The following TRIM37 variants were observed in gnomAD, a reference collection of about 807,000 sequenced individuals.
The protein encoded by TRIM37 is tripartite motif containing 37.
A neutral mutation model predicts 129.8 loss-of-function variants in TRIM37; 80 were observed. That is an observed-to-expected ratio of 0.62 (90% CI 0.51 to 0.74). TRIM37 has a LOEUF of 0.74. Ranked by LOEUF, TRIM37 falls within the 30% of genes least tolerant of loss-of-function variation. TRIM37 has a pLI of 0.00. For missense variants in TRIM37, 1,054 were observed against 1,176.5 expected, an observed-to-expected ratio of 0.90 and a Z score of 1.52; for synonymous variants, 389 against 387.1, an observed-to-expected ratio of 1.00 and a Z score of -0.06.
chr17:58,991,910 C>T (rs1467576029), intron 24 of TRIM37, among the ~76,000 whole-genome samples: 1 of 152,048 alleles, frequency 6.6e-6, no homozygotes, highest in Non-Finnish European at 1.5e-5. Flanking sequence ...CTGACACCAA[C>T]CACCCGGAGT....
rs377316559 is a variant in TRIM37, at chr17:59,028,477, A to T, written c.2195T>A (p.Leu732Ter). The change falls in exon 19 of 24, where the codon TTG (leucine) becomes TAG (stop). Residue 732 changes from leucine (L) to a stop codon, truncating the protein, a stop_gained. Coordinates refer to ENST00000262294, the MANE Select transcript of TRIM37 (RefSeq NM_015294.6). LOFTEE classifies it high-confidence loss of function. ...CAGGAGTTCCATTCCCAAATCCTGC[A>T]ATCTGCCAGAGTTTTCAGTTCCACA... The part of the protein sequence containing the change: ...AACGTENSGR[L>*]QDLGMELLAK... 6.2e-7 allele frequency: 1 copy of T among 1,614,134 alleles called. No homozygotes were observed. The highest frequency in any genetic ancestry group is 1.1e-5 in the South Asian group (1 of 91,056).
In TRIM37 at chr17:59,056,860, A is replaced by C. The variant is rs752738777; in HGVS notation, c.1199+15T>G. 1 of 1,612,782 alleles carries C rather than the reference A, an allele frequency of 6.2e-7. No individual in the cohort carries two copies. Among genetic ancestry groups the C allele is most frequent in the Non-Finnish European group, 8.5e-7 (1 of 1,179,056 alleles). On this transcript the variant is annotated intron_variant, in intron 13 of 23. Transcript: ENST00000262294. ...CCCCACAATAAAAACCACAACATCAAATTTTTCCTGTTACCTTAAAATCAC... is the reference window on the plus strand; with the variant it reads ...CCCCACAATAAAAACCACAACATCACATTTTTCCTGTTACCTTAAAATCAC...
At chr17:58,996,966 T>A (rs2033078690), downstream of TRIM37, among the ~76,000 whole-genome samples, 1 of 151,906 alleles carries the variant, frequency 6.6e-6, no homozygotes, top group Non-Finnish European at 1.5e-5. Context: ...TTTAATAAAA[T>A]AACACATCCT....
At chr17:59,012,472 T>A (rs766051877) in intron 21 of TRIM37, 26 bp from the exon 22 acceptor site, 2 of 1,437,502 alleles carry the variant, frequency 1.4e-6, no homozygotes, top group African/African-American at 1.4e-5. Context: ...AACTTGATAT[T>A]TCTCTATAAC....
chr17:59,057,522 AT>A (rs1214318794), intron 12 of TRIM37, among the ~76,000 whole-genome samples: 1 of 151,702 alleles, frequency 6.6e-6, no homozygotes, highest in African/African-American at 2.4e-5. Context: ...AAAGAGCAGT[AT>A]TTTTTTGTTT....
At chr17:59,101,080 A>C (rs1174425786) in intron 2 of TRIM37, among the ~76,000 whole-genome samples, 1 of 152,044 alleles carries the variant, frequency 6.6e-6, no homozygotes, top group Non-Finnish European at 1.5e-5. Flanking sequence ...AAATATGTGT[A>C]GTTTACTGCA....
intron 17 of TRIM37, among the ~76,000 whole-genome samples, chr17:59,035,974 GTC>G (rs144936691): frequency 1.4e-3 from 208 of 152,246 alleles, no homozygotes; most frequent in Non-Finnish European, 2.4e-3. Context: ...TTATAGTCTA[GTC>G]TCAAACTACC....
At chr17:59,003,341 T>C (rs1260552126) in intron 22 of TRIM37, among the ~76,000 whole-genome samples, 6 of 152,112 alleles carry the variant, frequency 3.9e-5, no homozygotes, top group Non-Finnish European at 8.8e-5. Flanking sequence ...CGGTTTGGGA[T>C]TTAAGGTTGA....
At chr17:59,017,232 A>C (rs2036057377) in intron 20 of TRIM37, 64 bp downstream of exon 20, 3 of 1,585,280 alleles carry the variant, frequency 1.9e-6, no homozygotes, top group African/African-American at 2.7e-5. Flanking sequence ...CTCCACGATA[A>C]CATCAATTTC....
At chr17:59,040,069 AT>A (rs1958880155) in intron 17 of TRIM37, among the ~76,000 whole-genome samples, 1 of 151,730 alleles carries the variant, frequency 6.6e-6, no homozygotes, top group Non-Finnish European at 1.5e-5. Context: ...CATCTGGCTA[AT>A]TTTTTTGTAT....
At chr17:59,049,940 T>C (rs1407454386) in intron 14 of TRIM37, among the ~76,000 whole-genome samples, 3 of 152,212 alleles carry the variant, frequency 2.0e-5, no homozygotes, top group Admixed American at 1.3e-4. Flanking sequence ...GCAAACAGTA[T>C]AGTGAATACA....
intron 7 of TRIM37, among the ~76,000 whole-genome samples, chr17:59,076,507 T>C (rs1410300460): frequency 6.6e-6 from 1 of 152,222 alleles, no homozygotes; most frequent in Non-Finnish European, 1.5e-5. Flanking sequence ...GAGCCTTGAT[T>C]GCACCACTGC....
At chr17:59,066,988 C>A (rs564146890) in intron 9 of TRIM37, among the ~76,000 whole-genome samples, 33 of 152,076 alleles carry the variant, frequency 2.2e-4, no homozygotes, top group Non-Finnish European at 3.8e-4. Flanking sequence ...TCAAAAATTT[C>A]TTTTGCGAAA....
At position 59,091,474 on chromosome 17, in the gene TRIM37, AATATATAAT is replaced by A. The variant is rs1599508890; in HGVS notation, c.124-143_124-135del. On this transcript the variant is annotated intron_variant, in intron 2 of 23. Coordinates refer to ENST00000262294, the MANE Select transcript of TRIM37 (RefSeq NM_015294.6). The stretch of plus-strand genomic sequence containing the variant: ...TAATATATAAATATATAATATTCAT[AATATATAAT>A]ATATAATATATTATTATATAACATA... The A allele has an allele frequency of 8.4e-5, 13 of 153,988 alleles. No individual in the cohort carries two copies. The East Asian group carries it at 2.3e-3, about 27-fold the overall frequency. The allele number at this position is 153,988 out of a possible 1,614,324, so 9.5% of individuals were successfully genotyped here.
chr17:58,985,744 TCCTG>T (rs2031745091), intron 24 of TRIM37, among the ~76,000 whole-genome samples: 1 of 152,222 alleles, frequency 6.6e-6, no homozygotes, highest in Admixed American at 6.5e-5. Context: ...TGCACTGTTC[TCCTG>T]CCTACCAGTA....
chr17:58,999,325 A>C lies in TRIM37; in HGVS notation c.*52T>G. 1.2e-6 allele frequency: 2 copies of C among 1,613,226 alleles called. No individual in the cohort carries two copies. On this transcript the variant is annotated 3_prime_UTR_variant, in exon 24 of 24. Coordinates refer to ENST00000262294, the MANE Select transcript of TRIM37 (RefSeq NM_015294.6). ...GATGACAAATTTGAGCACCAACTAC[A>C]GCAAAATTCAGGGTCAAGGTAGCTT...
intron 17 of TRIM37, among the ~76,000 whole-genome samples, chr17:59,039,886 T>C (rs2038962843): frequency 6.6e-6 from 1 of 152,112 alleles, no homozygotes; most frequent in African/African-American, 2.4e-5. Flanking sequence ...TGATTAGATA[T>C]TATTTTTCAT....
At chr17:59,068,278 A>C (rs1414548180) in intron 9 of TRIM37, among the ~76,000 whole-genome samples, 2 of 152,188 alleles carry the variant, frequency 1.3e-5, no homozygotes, top group Non-Finnish European at 2.9e-5. Context: ...TGGTTCCCAA[A>C]CTTTAGTGCA....
chr17:59,046,789 C>T (rs2039857817), intron 16 of TRIM37, among the ~76,000 whole-genome samples: 1 of 151,274 alleles, frequency 6.6e-6, no homozygotes, highest in African/African-American at 2.4e-5. Flanking sequence ...ATCCACCCGC[C>T]TCAGCCTCCC....
Sources: allele counts gnomAD v4.1 joint callset (sites outside exome capture counted in the v4.1 genomes callset), GRCh38; gene constraint gnomAD v4.1.1; transcripts MANE v1.5; gene names NCBI Gene and HGNC (gene_info 2026-07-23, HGNC 2026-07-21).